Variants in IGF2BP1 observed in about 807,000 individuals in gnomAD.
The protein encoded by IGF2BP1 is insulin like growth factor 2 mRNA binding protein 1.
In IGF2BP1, 11 loss-of-function variants were observed where a neutral mutation model predicts 74.9. The observed-to-expected ratio is 0.15, with a 90% CI of 0.09 to 0.24. The LOEUF (loss-of-function observed/expected upper bound fraction) is 0.24, where lower values mean the gene tolerates loss of function less well. Among genes scored for constraint, IGF2BP1 ranks in the 10% least tolerant of loss-of-function variants. IGF2BP1 has a pLI of 1.00. For synonymous variants in IGF2BP1, 287 were observed against 281.8 expected (o/e 1.02, Z -0.18); for missense variants, 440 against 757.4 (o/e 0.58, Z 4.92).
chr17:49,010,313 C>CTTTTTTTT, intron 2 of IGF2BP1, among the ~76,000 whole-genome samples: 1 of 105,622 alleles, frequency 9.5e-6, no homozygotes, highest in Non-Finnish European at 1.9e-5. Flanking sequence ...TGGTGGTCAT[C>CTTTTTTTT]TTTTTTTTTT....
intron 3 of IGF2BP1, 113 bp downstream of exon 3, chr17:49,025,779 A>C: frequency 1.2e-6 from 1 of 809,016 alleles, no homozygotes; most frequent in South Asian, 1.6e-5. Context: ...CAGGCTAGGG[A>C]GGCCTGGGTC....
Position 49,040,038 on chromosome 17 carries a change from C to T in IGF2BP1, c.765C>T (p.Ser255=), listed in dbSNP as rs755746927. 2.5e-5 allele frequency: 40 copies of T among 1,613,888 alleles called. No homozygotes were observed. Among genetic ancestry groups the T allele is most frequent in the South Asian group, 3.3e-5 (3 of 91,076 alleles). ...SVHSTPEGCS[S]ACKMILEIMH... ...ACTCCACCCCTGAGGGCTGCTCCTC[C>T]GCTTGTAAGATGATCTTGGAGATTA... is the stretch of plus-strand genomic sequence containing the variant. The change falls in exon 7 of 15, where the codon TCC becomes TCT. Residue 255 remains serine, a synonymous_variant. Transcript: ENST00000290341.
chr17:49,009,908 T>G (rs937245395), intron 2 of IGF2BP1, among the ~76,000 whole-genome samples: 2 of 151,960 alleles, frequency 1.3e-5, no homozygotes, highest in Non-Finnish European at 2.9e-5. Context: ...GGTGAAACCC[T>G]GTCTCTACTA....
At chr17:49,000,046 ATT>A (rs1393166196) in intron 2 of IGF2BP1, among the ~76,000 whole-genome samples, 1 of 151,506 alleles carries the variant, frequency 6.6e-6, no homozygotes, top group Non-Finnish European at 1.5e-5. Flanking sequence ...TTCATGGTGG[ATT>A]TCAAATCTTG....
chr17:49,004,282 C>G (rs1427435543), intron 2 of IGF2BP1, among the ~76,000 whole-genome samples: 5 of 147,956 alleles, frequency 3.4e-5, no homozygotes, highest in African/African-American at 5.2e-5. Context: ...GCAGCAGATA[C>G]CCCACGAGAG....
rs112661122 is a variant in IGF2BP1 at position 49,051,833 on chromosome 17, AT to A, written c.*2401del. 1,755 of 143,762 alleles carry A rather than the reference AT, an allele frequency of 0.012. 26 individuals are homozygous for A. Among genetic ancestry groups the A allele is most frequent in the African/African-American group, 0.037 (1,455 of 39,520 alleles). 8.9% of individuals were successfully genotyped at this position (143,762 alleles called of 1,614,324 possible). On this transcript the variant is annotated 3_prime_UTR_variant, in exon 15 of 15. Transcript: ENST00000290341. ...CTGGTTTGTCATTGCAATGCTTTTC[AT>A]TTTTTTTTTTTGTTATTGTTTCATT...
At chr17:49,026,671 TCCTTCCTG>T (rs58556952) in intron 4 of IGF2BP1, among the ~76,000 whole-genome samples, 154 bp downstream of exon 4, 40,375 of 132,632 alleles carry the variant, frequency 0.3, 7,290 homozygotes, top group African/African-American at 0.38. Context: ...CTTCCTGCCT[TCCTTCCTG>T]CCTTCCTGCC....
upstream of IGF2BP1, among the ~76,000 whole-genome samples, chr17:48,997,176 A>G (rs1157305765): frequency 6.6e-6 from 1 of 151,766 alleles, no homozygotes; most frequent in Non-Finnish European, 1.5e-5. The surrounding 1 kb of genome is among the most constrained non-coding windows in gnomAD (Gnocchi z 4.8). Flanking sequence ...AGGTTCTTGC[A>G]AAGGGGGAAG....
chr17:49,042,030 T>A (rs527760494), intron 8 of IGF2BP1, among the ~76,000 whole-genome samples: 11 of 152,274 alleles, frequency 7.2e-5, no homozygotes, highest in Admixed American at 2.0e-4. Context: ...CAGAGGAGTT[T>A]GAGTTAGGTG....
At chr17:49,004,772 A>G (rs1185561569) in intron 2 of IGF2BP1, 1 of 152,042 alleles carries the variant, frequency 6.6e-6, no homozygotes, top group Non-Finnish European at 1.5e-5. Context: ...ATCCATTTCC[A>G]CCTTTCCTCT....
At chr17:49,040,418 T>C (rs1177678526) in intron 7 of IGF2BP1, among the ~76,000 whole-genome samples, 1 of 152,160 alleles carries the variant, frequency 6.6e-6, no homozygotes, top group African/African-American at 2.4e-5. Context: ...GGTGTCGCCA[T>C]GTTACCCAGG....
At chr17:49,027,333 A>G (rs1296356332) in intron 4 of IGF2BP1, among the ~76,000 whole-genome samples, 2 of 151,956 alleles carry the variant, frequency 1.3e-5, no homozygotes, top group African/African-American at 4.8e-5. Context: ...AATCGGAGTT[A>G]CTCTGCAGCC....
In IGF2BP1 at chr17:48,997,528, G is replaced by C. The variant is rs1445659846; in HGVS notation, c.-218G>C. The C allele has an allele frequency of 1.9e-6, 1 of 526,946 alleles. No individual in the cohort carries two copies. Among genetic ancestry groups the C allele is most frequent in the Non-Finnish European group, 3.3e-6 (1 of 299,796 alleles). 32.6% of individuals were successfully genotyped at this position (526,946 alleles called of 1,614,324 possible). On this transcript the variant is annotated 5_prime_UTR_variant, in exon 1 of 15. Transcript: ENST00000290341. The surrounding 1 kb of genome is among the most constrained non-coding windows in gnomAD (Gnocchi z 4.8). ...GTCGTCCGTCTCCCTGCGCGCCGCG[G>C]GCACTTCTCCTGGGCTCTCCCCGAA...
intron 1 of IGF2BP1, 131 bp from the exon 2 acceptor site, chr17:48,998,978 A>C (rs2041447265): frequency 1.6e-6 from 1 of 637,856 alleles, no homozygotes; most frequent in South Asian, 1.9e-5. Context: ...TGCGGAAGCC[A>C]CTGCCTGGAT....
intron 2 of IGF2BP1, among the ~76,000 whole-genome samples, chr17:49,016,124 C>T (rs144784840): frequency 1.3e-5 from 2 of 152,334 alleles, no homozygotes; most frequent in South Asian, 2.1e-4. Context: ...CTGCTTCTGA[C>T]GTCGGGGCTG....
intron 1 of IGF2BP1, among the ~76,000 whole-genome samples, chr17:48,998,878 TCA>T (rs895042248): frequency 2.6e-5 from 4 of 152,130 alleles, no homozygotes; most frequent in African/African-American, 9.6e-5. Flanking sequence ...TCAACAAGCC[TCA>T]GTGATTTAAT....
In IGF2BP1 at chr17:49,041,498, C is replaced by T. The variant is rs1277627625; in HGVS notation, c.939C>T (p.Ser313=). The change falls in exon 8 of 15, where the codon TCC becomes TCT. Residue 313 remains serine (S), a splice_region_variant and synonymous_variant. Transcript: ENST00000290341. The part of the protein sequence containing the change: ...EQDTETKITI[S]SLQDLTLYNP... ...ATACCGAGACAAAAATCACCATCTC[C>T]TCGTAAGGCTCTCTTCTATTTCCCT... The T allele has an allele frequency of 1.2e-6, 2 of 1,613,996 alleles. No homozygotes were observed. Among genetic ancestry groups the T allele is most frequent in the African/African-American group, 1.3e-5 (1 of 74,916 alleles).
chr17:49,028,780 C>T (rs922002234), intron 4 of IGF2BP1, among the ~76,000 whole-genome samples: 8 of 152,138 alleles, frequency 5.3e-5, no homozygotes, highest in Admixed American at 3.9e-4. Context: ...TCCATTCTTT[C>T]TACCTATCCC....
intron 5 of IGF2BP1, among the ~76,000 whole-genome samples, chr17:49,032,961 A>T (rs908139639): frequency 2.6e-5 from 4 of 151,762 alleles, no homozygotes; most frequent in African/African-American, 9.7e-5. Context: ...GACTACAGAC[A>T]TGCACCATTA....
Sources: allele counts gnomAD v4.1 joint callset (sites outside exome capture counted in the v4.1 genomes callset), GRCh38; gene constraint gnomAD v4.1.1; non-coding constraint Gnocchi (gnomAD v3.1); transcripts MANE v1.5; gene names NCBI Gene and HGNC (gene_info 2026-07-23, HGNC 2026-07-21).